Variants in VSNL1 observed in about 807,000 individuals in gnomAD.
VSNL1 encodes the protein visinin like 1, also known as visinin-like protein 1.
A neutral mutation model predicts 20.4 loss-of-function variants in VSNL1; 6 were observed. The observed-to-expected ratio is 0.29, with a 90% CI of 0.16 to 0.58. The LOEUF is 0.58. Ranked by LOEUF, VSNL1 falls within the 20% of genes least tolerant of loss-of-function variation. The probability of loss-of-function intolerance (pLI) is 0.90; values close to 1 mark genes in which losing one functional copy is unlikely to be tolerated. For missense variants in VSNL1, 100 were observed against 234.5 expected (o/e 0.43, Z 3.75); for synonymous variants, 93 against 86.4 (o/e 1.08, Z -0.42).
chr2:17,542,917 T>C (rs1390668729), intron 1 of VSNL1, among the ~76,000 whole-genome samples: 1 of 152,206 alleles, frequency 6.6e-6, no homozygotes, highest in Non-Finnish European at 1.5e-5. Context: ...GAACCATGGA[T>C]GTAGAGAAAA....
At position 17,640,164 on chromosome 2, in the gene VSNL1, C is replaced by T. The variant is rs561984531; in HGVS notation, c.163-9246C>T. Among the ~76,000 whole-genome samples the T allele has an allele frequency of 9.9e-5, 15 of 150,876 alleles. No homozygotes were observed. In the South Asian group the frequency reaches 2.3e-3, roughly 23 times the overall value. On this transcript the variant is annotated intron_variant, in intron 2 of 3. Transcript: ENST00000295156. ...ACTCAGGAGGCTGAGGGAGGAGAAT[C>T]GCTTGAACCTGGGAGGCAGAGGAAG... is the stretch of plus-strand genomic sequence containing the variant.
At position 17,649,820 on chromosome 2, in the gene VSNL1, C is replaced by T. The variant is rs1031557717; in HGVS notation, c.378+195C>T. 6.6e-6 allele frequency among the ~76,000 whole-genome samples: 1 copy of T among 152,174 alleles called. No individual in the cohort carries two copies. Among genetic ancestry groups the T allele is most frequent in the Non-Finnish European group, 1.5e-5 (1 of 68,026 alleles). The stretch of plus-strand genomic sequence containing the variant: ...GGTCCCAGAACCAAGCCATGGGGCC[C>T]GTACTGTCGTGACGGTGGCATTGTC... On this transcript the variant is annotated intron_variant, in intron 3 of 3. Transcript: ENST00000295156. The surrounding 1 kb of genome is among the most constrained non-coding windows in gnomAD (Gnocchi z 6.4).
chr2:17,595,211 T>C (rs1664685057), intron 2 of VSNL1, among the ~76,000 whole-genome samples: 1 of 152,216 alleles, frequency 6.6e-6, no homozygotes, highest in African/African-American at 2.4e-5. Context: ...GCACAGGGCC[T>C]GCCACGGAGC....
intron 2 of VSNL1, among the ~76,000 whole-genome samples, chr2:17,631,426 TG>T (rs967303598): frequency 1.3e-5 from 2 of 152,196 alleles, no homozygotes; most frequent in Non-Finnish European, 2.9e-5. Flanking sequence ...CAAAAATGGT[TG>T]GATAATATTG....
intron 2 of VSNL1, among the ~76,000 whole-genome samples, chr2:17,632,033 C>A (rs566041429): frequency 1.1e-4 from 16 of 151,248 alleles, no homozygotes; most frequent in African/African-American, 3.9e-4. Flanking sequence ...ACTACAGGCC[C>A]ATGCCACCAT....
chr2:17,631,544 T>C (rs1665629253), intron 2 of VSNL1, among the ~76,000 whole-genome samples: 1 of 152,246 alleles, frequency 6.6e-6, no homozygotes, highest in African/African-American at 2.4e-5. Flanking sequence ...GTAAGATTTG[T>C]GTATTCCTTC....
chr2:17,611,825 T>G (rs1388155233), intron 2 of VSNL1, among the ~76,000 whole-genome samples: 1 of 152,240 alleles, frequency 6.6e-6, no homozygotes, highest in Non-Finnish European at 1.5e-5. Flanking sequence ...ATCAATTTAT[T>G]AATATTAACA....
At chr2:17,617,049 T>C (rs1035898939) in intron 2 of VSNL1, among the ~76,000 whole-genome samples, 2 of 151,924 alleles carry the variant, frequency 1.3e-5, no homozygotes, top group Admixed American at 6.6e-5. Context: ...ATTTTTGAGC[T>C]CCCCCCTGTT....
At chr2:17,620,293 G>A (rs1328065137) in intron 2 of VSNL1, among the ~76,000 whole-genome samples, 1 of 152,162 alleles carries the variant, frequency 6.6e-6, no homozygotes, top group Non-Finnish European at 1.5e-5. Context: ...AACCAGTGAA[G>A]GGTTTTAAGT....
chr2:17,625,439 A>G (rs1665486031), intron 2 of VSNL1, among the ~76,000 whole-genome samples: 1 of 152,154 alleles, frequency 6.6e-6, no homozygotes, highest in South Asian at 2.1e-4. Context: ...CCATATAGCA[A>G]TTGTGCTATG....
chr2:17,580,407 T>C (rs1167897439), intron 1 of VSNL1, among the ~76,000 whole-genome samples: 1 of 152,188 alleles, frequency 6.6e-6, no homozygotes, highest in African/African-American at 2.4e-5. Context: ...AACCTGAAAC[T>C]GTTGACCACA....
chr2:17,618,652 A>G (rs1357003154), intron 2 of VSNL1, among the ~76,000 whole-genome samples: 1 of 152,230 alleles, frequency 6.6e-6, no homozygotes, highest in Non-Finnish European at 1.5e-5. Flanking sequence ...TGGGCCCTCA[A>G]TAACCATTAT....
At chr2:17,652,653 G>C (rs1355280400) in intron 3 of VSNL1, among the ~76,000 whole-genome samples, 1 of 152,234 alleles carries the variant, frequency 6.6e-6, no homozygotes, top group Non-Finnish European at 1.5e-5. Context: ...TTTGCATTAA[G>C]AACTAGAATG....
intron 1 of VSNL1, among the ~76,000 whole-genome samples, chr2:17,591,296 CTGCTGTGATG>C (rs1664588120): frequency 6.6e-6 from 1 of 152,198 alleles, no homozygotes; most frequent in African/African-American, 2.4e-5. Context: ...TCCCTACTCC[CTGCTGTGATG>C]TTGGCCACAC....
intron 2 of VSNL1, among the ~76,000 whole-genome samples, chr2:17,638,352 C>A (rs1193922080): frequency 2.0e-5 from 3 of 152,182 alleles, no homozygotes; most frequent in Non-Finnish European, 4.4e-5. Context: ...GTAAGTGTTA[C>A]AAAGTTTAAT....
intron 2 of VSNL1, among the ~76,000 whole-genome samples, chr2:17,615,336 T>A (rs948622194): frequency 3.9e-5 from 6 of 152,230 alleles, no homozygotes; most frequent in African/African-American, 1.4e-4. Flanking sequence ...TATCATTTTT[T>A]AAAAATATTT....
chr2:17,651,580 T>C (rs1196796889), intron 3 of VSNL1, among the ~76,000 whole-genome samples: 1 of 152,232 alleles, frequency 6.6e-6, no homozygotes, highest in Admixed American at 6.5e-5. Context: ...TCATGGTCAC[T>C]GGCATTTTGT....
At chr2:17,647,029 A>C (rs992987638) in intron 2 of VSNL1, among the ~76,000 whole-genome samples, 5 of 152,208 alleles carry the variant, frequency 3.3e-5, no homozygotes, top group Non-Finnish European at 5.9e-5. Context: ...TTGAGCACAC[A>C]CTCAGTTCTA....
rs143089640 is a variant in VSNL1, at chr2:17,654,456, A to G, written c.379-741A>G. Among the ~76,000 whole-genome samples, 1,038 of 152,252 alleles carry G rather than the reference A, an allele frequency of 6.8e-3. 8 individuals carry two copies. Among genetic ancestry groups the G allele is most frequent in the Middle Eastern group, 0.014 (4 of 294 alleles). On this transcript the variant is annotated intron_variant, in intron 3 of 3. Transcript: ENST00000295156. ...TTGGCCCCACAATTCTTCTTTTCCT[A>G]AATCCCCAAGGCTAGTGCTTTTTGA... is the stretch of plus-strand genomic sequence containing the variant.
Sources: gnomAD v4.1 joint callset for allele counts (sites outside exome capture counted in the v4.1 genomes callset) on GRCh38, gnomAD v4.1.1 for gene constraint, Gnocchi (gnomAD v3.1) non-coding constraint, MANE v1.5 for transcripts, NCBI Gene and HGNC (gene_info 2026-07-23, HGNC 2026-07-21) for gene names.